The following FHOD3 variants were observed in gnomAD, a reference collection of about 807,000 sequenced individuals.
The protein encoded by FHOD3 is FH1/FH2 domain-containing protein 3.
Under a neutral mutation model 173.0 loss-of-function variants are expected in FHOD3, and 90 were observed. The observed-to-expected ratio is 0.52, with a 90% CI of 0.44 to 0.62. FHOD3 has a LOEUF of 0.62. Among genes scored for constraint, FHOD3 ranks in the 20% least tolerant of loss-of-function variants. FHOD3 has a pLI of 0.00. For synonymous variants in FHOD3, 828 were observed against 823.0 expected, an observed-to-expected ratio of 1.01 and a Z score of -0.10; for missense variants, 1,945 against 2,034.7, an observed-to-expected ratio of 0.96 and a Z score of 0.85.
chr18:36,439,567 G>GTA lies in FHOD3; in HGVS notation c.338-62363_338-62362dup, dbSNP rs1260981945. ...TGTGTGTGTGTGTGTGTGTGTGTGT[G>GTA]TATGTATGTAGTTACATAAGAGGAG... is the stretch of plus-strand genomic sequence containing the variant. On this transcript the variant is annotated intron_variant, in intron 3 of 28. Transcript: ENST00000590592. 1.3e-3 allele frequency among the ~76,000 whole-genome samples: 194 copies of GTA among 146,028 alleles called. 1 individual carries two copies. The highest frequency in any genetic ancestry group is 2.7e-3 in the African/African-American group (104 of 38,364).
intron 14 of FHOD3, among the ~76,000 whole-genome samples, chr18:36,666,012 A>G (rs906440803): frequency 1.3e-5 from 2 of 152,242 alleles, no homozygotes; most frequent in Non-Finnish European, 2.9e-5. Context: ...CTGTATGCCA[A>G]AGTCAGGGCC....
chr18:36,617,582 CCTGTGTGTGT>C (rs1367907402), intron 9 of FHOD3, among the ~76,000 whole-genome samples: 1 of 61,330 alleles, frequency 1.6e-5, no homozygotes, highest in Non-Finnish European at 3.4e-5. Context: ...CTTGTACTTC[CCTGTGTGTGT>C]GTGTGTGTGT....
chr18:36,651,189 C>T (rs2036025662), intron 11 of FHOD3, among the ~76,000 whole-genome samples: 1 of 152,116 alleles, frequency 6.6e-6, no homozygotes, highest in Non-Finnish European at 1.5e-5. Flanking sequence ...TGTCCATCTT[C>T]CCATCAATCC....
intron 3 of FHOD3, among the ~76,000 whole-genome samples, chr18:36,376,646 CA>C (rs1360474768): frequency 2.0e-5 from 3 of 152,106 alleles, no homozygotes; most frequent in African/African-American, 4.8e-5. Context: ...GTCACAGGGA[CA>C]AAGGCAACTT....
intron 14 of FHOD3, among the ~76,000 whole-genome samples, chr18:36,670,989 G>A (rs2037495425): frequency 6.6e-6 from 1 of 152,230 alleles, no homozygotes; most frequent in Non-Finnish European, 1.5e-5. Flanking sequence ...CTCTGTAACT[G>A]TTGGGAACAG....
chr18:36,512,092 C>T (rs1022412920), intron 4 of FHOD3, among the ~76,000 whole-genome samples: 2 of 152,264 alleles, frequency 1.3e-5, no homozygotes, highest in Non-Finnish European at 2.9e-5. Flanking sequence ...AACCAGCAAG[C>T]TTCTCCGTGG....
chr18:36,314,925 C>T (rs1173738395), intron 1 of FHOD3, among the ~76,000 whole-genome samples: 1 of 152,178 alleles, frequency 6.6e-6, no homozygotes, highest in Admixed American at 6.5e-5. Flanking sequence ...CTGAGGAACA[C>T]ACAAGGAAGT....
chr18:36,682,709 A>G (rs977050574), intron 15 of FHOD3, among the ~76,000 whole-genome samples: 3 of 152,072 alleles, frequency 2.0e-5, no homozygotes, highest in Non-Finnish European at 4.4e-5. Flanking sequence ...CAGCCTCCCA[A>G]GTAGCTGGAA....
intron 2 of FHOD3, among the ~76,000 whole-genome samples, chr18:36,358,408 A>C (rs931802215): frequency 6.6e-6 from 1 of 152,206 alleles, no homozygotes; most frequent in Non-Finnish European, 1.5e-5. Flanking sequence ...AGCTGTTCCC[A>C]AAGAGCCAGG....
Position 36,664,618 on chromosome 18 carries a change from C to T in FHOD3, c.1835+6430C>T, listed in dbSNP as rs562513812. 3.0e-4 allele frequency among the ~76,000 whole-genome samples: 46 copies of T among 152,180 alleles called. No individual in the cohort carries two copies. In the South Asian group the frequency reaches 7.7e-3, roughly 25 times the overall value. On this transcript the variant is annotated intron_variant, in intron 14 of 28. Coordinates refer to ENST00000590592, the MANE Select transcript of FHOD3 (RefSeq NM_001281740.3). Reference sequence around the variant, plus strand: ...TGGGACTGTGGGTCCTCAGCAGGTACTGGAGATTCTTTCTCCCACACATGT... The same window carrying T: ...TGGGACTGTGGGTCCTCAGCAGGTATTGGAGATTCTTTCTCCCACACATGT...
chr18:36,335,081 A>G (rs1445905047), intron 1 of FHOD3, among the ~76,000 whole-genome samples: 2 of 152,228 alleles, frequency 1.3e-5, no homozygotes, highest in Non-Finnish European at 1.5e-5. Context: ...TGCACATGGC[A>G]GTCGCCTAGG....
chr18:36,654,930 GA>G (rs1377368017), intron 13 of FHOD3, among the ~76,000 whole-genome samples: 5 of 152,116 alleles, frequency 3.3e-5, no homozygotes, highest in Non-Finnish European at 7.3e-5. Context: ...AGCAGCATGG[GA>G]AGATCCATTT....
chr18:36,734,463 T>G (rs1227450430), intron 20 of FHOD3, among the ~76,000 whole-genome samples: 1 of 152,066 alleles, frequency 6.6e-6, no homozygotes, highest in Non-Finnish European at 1.5e-5. Context: ...GCCCCTGATC[T>G]AAAGGCTGCC....
intron 1 of FHOD3, among the ~76,000 whole-genome samples, chr18:36,327,542 A>G (rs1174034415): frequency 6.6e-6 from 1 of 152,224 alleles, no homozygotes; most frequent in Non-Finnish European, 1.5e-5. Context: ...CTTCACTGAT[A>G]AAGAAGAAGA....
chr18:36,675,757 A>G (rs960343927), intron 14 of FHOD3, among the ~76,000 whole-genome samples: 7 of 152,226 alleles, frequency 4.6e-5, no homozygotes, highest in African/African-American at 7.2e-5. Context: ...TTCAATCATT[A>G]GTTGATTCAT....
At chr18:36,688,314 A>G (rs1301483282) in intron 16 of FHOD3, among the ~76,000 whole-genome samples, 1 of 152,246 alleles carries the variant, frequency 6.6e-6, no homozygotes, top group Admixed American at 6.5e-5. Context: ...GACTGGGCCA[A>G]TAAGAAGTAG....
chr18:36,763,910 C>A (rs917408912), intron 27 of FHOD3, among the ~76,000 whole-genome samples: 2 of 152,100 alleles, frequency 1.3e-5, no homozygotes, highest in African/African-American at 4.8e-5. Context: ...TCTCTGAGAT[C>A]GGGTCTTTCC....
At chr18:36,636,508 T>C (rs62083978) in intron 10 of FHOD3, among the ~76,000 whole-genome samples, 6,146 of 152,248 alleles carry the variant, frequency 0.04, 183 homozygotes, top group South Asian at 0.082. Flanking sequence ...TGATTCTGTG[T>C]AGCCTAAATG....
chr18:36,512,605 C>G, intron 5 of FHOD3, 62 bp downstream of exon 5: 1 of 1,215,208 alleles, frequency 8.2e-7, no homozygotes, highest in African/African-American at 1.5e-5. Context: ...GGTTCACCTT[C>G]AGGAACTTAA....
Sources: gnomAD v4.1 joint callset for allele counts (sites outside exome capture counted in the v4.1 genomes callset) on GRCh38, gnomAD v4.1.1 for gene constraint, MANE v1.5 for transcripts, NCBI Gene and HGNC (gene_info 2026-07-23, HGNC 2026-07-21) for gene names.